CFAP47: variants seen among roughly 807,000 people sequenced by gnomAD.
CFAP47 encodes the protein cilia- and flagella-associated protein 47.
Under a neutral mutation model 148.1 loss-of-function variants are expected in CFAP47, and 29 were observed. The ratio of observed to expected loss-of-function variants is 0.20; its 90% CI spans 0.15 to 0.27. CFAP47 has a LOEUF of 0.27. CFAP47 is among the 10% of genes least tolerant of loss of function. The probability of loss-of-function intolerance (pLI) is 1.00; values close to 1 mark genes in which losing one functional copy is unlikely to be tolerated. For synonymous variants in CFAP47, 664 were observed against 577.3 expected, an observed-to-expected ratio of 1.15 and a Z score of -2.15; for missense variants, 1,872 against 1,697.5, an observed-to-expected ratio of 1.10 and a Z score of -1.81.
At chrX:36,130,275 A>T (rs986266765) in intron 33 of CFAP47, among the ~76,000 whole-genome samples, 1 of 111,622 alleles carries the variant, frequency 9.0e-6, no homozygotes, top group Non-Finnish European at 1.9e-5. Flanking sequence ...ATTTGAATAG[A>T]TATTTCTCAA....
chrX:36,178,482 G>A (rs1177212340), intron 39 of CFAP47, among the ~76,000 whole-genome samples: 2 of 111,869 alleles, frequency 1.8e-5, no homozygotes, highest in Admixed American at 1.9e-4. Flanking sequence ...GTGGGTGTGT[G>A]TGTGTGTATC....
At chrX:35,947,822 C>T (rs1050232211) in intron 3 of CFAP47, among the ~76,000 whole-genome samples, 11 of 111,552 alleles carry the variant, frequency 9.9e-5, no homozygotes, top group Admixed American at 4.8e-4. Flanking sequence ...AGATTATTTA[C>T]GGAAATTAAA....
intron 60 of CFAP47, among the ~76,000 whole-genome samples, chrX:36,356,301 C>A (rs1347028582): frequency 1.8e-5 from 2 of 111,628 alleles, no homozygotes; most frequent in Non-Finnish European, 3.8e-5. Flanking sequence ...TCAATACCAC[C>A]ACACTCAACA....
chrX:36,233,872 G>A (rs1308762413), intron 46 of CFAP47, among the ~76,000 whole-genome samples: 2 of 110,799 alleles, frequency 1.8e-5, no homozygotes, highest in Non-Finnish European at 3.8e-5. Context: ...CTTCACTTAT[G>A]AAGCTTAGTT....
At chrX:36,103,559 C>T (rs1335871162) in intron 32 of CFAP47, among the ~76,000 whole-genome samples, 1 of 87,910 alleles carries the variant, frequency 1.1e-5, no homozygotes, top group Non-Finnish European at 2.1e-5. Flanking sequence ...TACAGGTTTT[C>T]ACAATAAGCA....
intron 22 of CFAP47, 79 bp from the exon 23 acceptor site, chrX:36,031,174 T>C (rs1482832734): frequency 7.3e-6 from 2 of 275,316 alleles, no homozygotes; most frequent in East Asian, 5.1e-5. Flanking sequence ...TATTGTTTAG[T>C]GTTTTAAAGT....
intron 48 of CFAP47, among the ~76,000 whole-genome samples, chrX:36,243,100 T>A (rs1555996339): frequency 1.8e-5 from 2 of 111,502 alleles, no homozygotes; most frequent in Non-Finnish European, 3.8e-5. Context: ...GCTTCATAAG[T>A]GGAGAGATAA....
chrX:36,326,192 G>A (rs1556012995), intron 57 of CFAP47, among the ~76,000 whole-genome samples: 2 of 110,770 alleles, frequency 1.8e-5, no homozygotes, highest in Non-Finnish European at 1.9e-5. Context: ...AGTAAGTCTT[G>A]ATATTTGGTA....
At chrX:36,108,452 A>T (rs1938499982) in intron 33 of CFAP47, among the ~76,000 whole-genome samples, 1 of 111,447 alleles carries the variant, frequency 9.0e-6, no homozygotes. Context: ...CATCTAATTA[A>T]TCACCAACCA....
chrX:36,182,282 G>C (rs1421203979), intron 40 of CFAP47, among the ~76,000 whole-genome samples: 1 of 111,723 alleles, frequency 9.0e-6, no homozygotes, highest in Non-Finnish European at 1.9e-5. Context: ...AAACCTAGCT[G>C]GAGGAAAGAC....
intron 48 of CFAP47, among the ~76,000 whole-genome samples, chrX:36,244,937 GAAAGTACACACA>G (rs1156565016): frequency 9.0e-6 from 1 of 111,277 alleles, no homozygotes; most frequent in Non-Finnish European, 1.9e-5. Flanking sequence ...TATCCCTGAT[GAAAGTACACACA>G]AAAATCCTCA....
Position 35,975,830 on chromosome X carries a change from A to G in CFAP47, c.2630A>G (p.Asn877Ser), listed in dbSNP as rs756441532. The change falls in exon 15 of 64, where the codon AAT becomes AGT. Residue 877 changes from asparagine to serine, a missense_variant. Coordinates refer to ENST00000378653, the MANE Select transcript of CFAP47 (RefSeq NM_001304548.2). ...TCFRGTVRLY[N>S]RQNCCAQFQW... ...TTTCGGGGGACAGTTAGATTGTATAATCGTCAGAATTGTTGTGCTCAGTTT... is the reference window on the plus strand; with the variant it reads ...TTTCGGGGGACAGTTAGATTGTATAGTCGTCAGAATTGTTGTGCTCAGTTT... The G allele has an allele frequency of 3.1e-5, 38 of 1,208,213 alleles. No homozygotes were observed. The highest frequency in any genetic ancestry group is 1.3e-4 in the Admixed American group (6 of 45,666).
At chrX:36,324,941 T>G (rs1941505756) in intron 57 of CFAP47, among the ~76,000 whole-genome samples, 1 of 111,564 alleles carries the variant, frequency 9.0e-6, no homozygotes, top group Non-Finnish European at 1.9e-5. Context: ...AAAATAACTT[T>G]TTATGGGACT....
intron 30 of CFAP47, among the ~76,000 whole-genome samples, chrX:36,089,861 C>T (rs73470948): frequency 0.026 from 2,930 of 111,368 alleles, 93 homozygotes; most frequent in African/African-American, 0.091. Flanking sequence ...AATAATATAA[C>T]GTGAATCACG....
chrX:36,174,565 A>G (rs1195491880), intron 39 of CFAP47, among the ~76,000 whole-genome samples: 27 of 108,361 alleles, frequency 2.5e-4, no homozygotes, highest in Non-Finnish European at 4.6e-4. Context: ...TATGAAGCTT[A>G]GTTTGGCTGG....
chrX:36,129,237 T>G (rs1227668265), intron 33 of CFAP47, among the ~76,000 whole-genome samples: 1 of 111,062 alleles, frequency 9.0e-6, no homozygotes, highest in Non-Finnish European at 1.9e-5. Context: ...TAGCACAAAA[T>G]TATTCATAAA....
chrX:36,254,966 A>G (rs1485183409), intron 49 of CFAP47, among the ~76,000 whole-genome samples: 1 of 111,898 alleles, frequency 8.9e-6, no homozygotes, highest in Non-Finnish European at 1.9e-5. Context: ...TACTAATGTT[A>G]TACCAATATT....
rs190722798 is a variant in CFAP47, at chrX:36,361,345, A to C, written c.8867A>C (p.His2956Pro). The C allele has an allele frequency of 1.3e-5, 14 of 1,106,760 alleles. No homozygotes were observed. The African/African-American group carries it at 2.0e-4, about 16-fold the overall frequency. The allele number at this position is 1,106,760 out of a possible 1,213,427, so 91.2% of individuals were successfully genotyped here. A position where few individuals can be genotyped will look rare whatever the true frequency, so the allele number is the denominator to read the frequency against. ...CEDPNEIPKI[H>P]EFEYEIQFES... ...ACTTTCCTAGAAATTCCTAAAATAC[A>C]TGAATTCGAGTATGAAATTCAATTT... The change falls in exon 61 of 64, where the codon CAT becomes CCT. Residue 2956 changes from histidine to proline, a missense_variant. By Grantham distance (77) the His-to-Pro change is moderately conservative. Coordinates refer to ENST00000378653, the MANE Select transcript of CFAP47 (RefSeq NM_001304548.2).
intron 35 of CFAP47, among the ~76,000 whole-genome samples, chrX:36,141,574 G>A (rs5972024): frequency 0.1 from 11,627 of 110,833 alleles, 1,217 homozygotes; most frequent in African/African-American, 0.32. Flanking sequence ...AGCCATTTAG[G>A]TATCCCTCAA....
Sources: gnomAD v4.1 joint callset for allele counts (sites outside exome capture counted in the v4.1 genomes callset) on GRCh38, gnomAD v4.1.1 for gene constraint, MANE v1.5 for transcripts, NCBI Gene and HGNC (gene_info 2026-07-23, HGNC 2026-07-21) for gene names.